Variants in TMEM163 observed in about 807,000 individuals in gnomAD.
TMEM163 encodes the protein transmembrane protein 163.
A neutral mutation model predicts 29.3 loss-of-function variants in TMEM163; 17 were observed. The ratio of observed to expected loss-of-function variants is 0.58; its 90% CI spans 0.40 to 0.87. The LOEUF is 0.87. TMEM163 is among the 40% of genes least tolerant of loss of function. The pLI, the probability that TMEM163 is intolerant of heterozygous loss-of-function variation, is 0.00. For missense variants in TMEM163, 303 were observed against 381.5 expected (o/e 0.79, Z 1.71); for synonymous variants, 157 against 160.6 (o/e 0.98, Z 0.17).
chr2:134,553,019 T>C (rs1680967956), intron 2 of TMEM163, among the ~76,000 whole-genome samples: 1 of 152,128 alleles, frequency 6.6e-6, no homozygotes, highest in Non-Finnish European at 1.5e-5. Flanking sequence ...CTAATTCTGT[T>C]TTGTGCTAAA....
intron 2 of TMEM163, among the ~76,000 whole-genome samples, chr2:134,650,405 G>C (rs990535123): frequency 2.0e-5 from 3 of 152,066 alleles, no homozygotes; most frequent in Admixed American, 1.3e-4. Context: ...AATCAAACTT[G>C]AAAGATTTAT....
At chr2:134,579,204 T>C (rs1558951916) in intron 2 of TMEM163, among the ~76,000 whole-genome samples, 2 of 152,204 alleles carry the variant, frequency 1.3e-5, no homozygotes, top group South Asian at 2.1e-4. Context: ...GGGGCAACTA[T>C]TCCCATTAGA....
At chr2:134,699,527 T>A (rs1684651840) in intron 2 of TMEM163, among the ~76,000 whole-genome samples, 1 of 152,016 alleles carries the variant, frequency 6.6e-6, no homozygotes, top group South Asian at 2.1e-4. Context: ...ATGTTGTAGA[T>A]ATGATGACAT....
intron 2 of TMEM163, among the ~76,000 whole-genome samples, chr2:134,705,386 C>T (rs995004434): frequency 1.3e-5 from 2 of 152,098 alleles, no homozygotes; most frequent in African/African-American, 4.8e-5. Flanking sequence ...CACAGACACA[C>T]ACAGAGGGAC....
chr2:134,457,028 T>C (rs956712006), intron 7 of TMEM163, among the ~76,000 whole-genome samples: 1 of 152,182 alleles, frequency 6.6e-6, no homozygotes, highest in Non-Finnish European at 1.5e-5. Flanking sequence ...GATTTGCCTA[T>C]TGATATTTTA....
At chr2:134,693,255 C>G (rs1684508064) in intron 2 of TMEM163, among the ~76,000 whole-genome samples, 1 of 152,202 alleles carries the variant, frequency 6.6e-6, no homozygotes, top group East Asian at 1.9e-4. Flanking sequence ...AAGAGTAAGA[C>G]ATTTAAAAAA....
At chr2:134,656,377 G>A (rs919159564) in intron 2 of TMEM163, among the ~76,000 whole-genome samples, 13 of 151,384 alleles carry the variant, frequency 8.6e-5, no homozygotes, top group African/African-American at 3.2e-4. Flanking sequence ...GCGCTTCCCA[G>A]GTGAGGCAAT....
chr2:134,609,489 C>A (rs1682441656), intron 2 of TMEM163, among the ~76,000 whole-genome samples: 2 of 76,434 alleles, frequency 2.6e-5, no homozygotes, highest in African/African-American at 5.6e-5. Flanking sequence ...AAGGACAGAC[C>A]CCGAGAACTG....
intron 2 of TMEM163, among the ~76,000 whole-genome samples, chr2:134,676,000 T>G (rs1684105750): frequency 6.6e-6 from 1 of 152,000 alleles, no homozygotes. Flanking sequence ...CCACCCCACA[T>G]CAAGACAGTT....
Position 134,486,347 on chromosome 2 carries a change from GA to G in TMEM163, c.555+16553del, listed in dbSNP as rs567180180. Among the ~76,000 whole-genome samples the G allele has an allele frequency of 2.2e-4, 34 of 152,234 alleles. 1 individual carries two copies. In the South Asian group the frequency reaches 6.6e-3, roughly 30 times the overall value. On this transcript the variant is annotated intron_variant, in intron 5 of 7. Transcript: ENST00000281924. The stretch of plus-strand genomic sequence containing the variant: ...TACTAACGATGAGAGCTTAGATCTA[GA>G]AAGCAAATCAACAGGTCTGATCCAC...
intron 6 of TMEM163, among the ~76,000 whole-genome samples, chr2:134,464,871 T>C (rs967998100): frequency 6.6e-6 from 1 of 151,964 alleles, no homozygotes; most frequent in East Asian, 1.9e-4. Context: ...CCCTGCCCAC[T>C]GTGCAAAGCT....
chr2:134,669,779 A>G (rs1683949881), intron 2 of TMEM163, among the ~76,000 whole-genome samples: 1 of 152,196 alleles, frequency 6.6e-6, no homozygotes, highest in Admixed American at 6.5e-5. Context: ...TAGAGCCCAG[A>G]GCCATCACTG....
chr2:134,674,478 G>T (rs1684062757), intron 2 of TMEM163, among the ~76,000 whole-genome samples: 1 of 148,266 alleles, frequency 6.7e-6, no homozygotes, highest in South Asian at 2.2e-4. Flanking sequence ...CAAGTAGCTG[G>T]GACTACAGGC....
At chr2:134,593,360 A>G (rs959427544) in intron 2 of TMEM163, among the ~76,000 whole-genome samples, 1 of 152,182 alleles carries the variant, frequency 6.6e-6, no homozygotes, top group Non-Finnish European at 1.5e-5. Flanking sequence ...CATGGACCCC[A>G]GACAAAACAC....
rs928549635 is a variant in TMEM163 at position 134,455,943 on chromosome 2, T to C, written c.*773A>G. 1 of 129,950 alleles carries C rather than the reference T, an allele frequency of 7.7e-6. No homozygotes were observed. The highest frequency in any genetic ancestry group is 2.8e-5 in the African/African-American group (1 of 35,132). 8.0% of individuals were successfully genotyped at this position (129,950 alleles called of 1,614,324 possible). On this transcript the variant is annotated 3_prime_UTR_variant, in exon 8 of 8. Transcript: ENST00000281924. Reference sequence around the variant, plus strand: ...GATCCATCTCTCACAGACTGTAATGTACCCATTACCACTTAACACAGCATA... The same window carrying C: ...GATCCATCTCTCACAGACTGTAATGCACCCATTACCACTTAACACAGCATA...
At chr2:134,710,640 T>TAA (rs34375062) in intron 2 of TMEM163, among the ~76,000 whole-genome samples, 6,198 of 143,720 alleles carry the variant, frequency 0.043, 444 homozygotes, top group African/African-American at 0.15. Context: ...TCCACCTAAC[T>TAA]AAAAAAAAAA....
At chr2:134,495,463 C>T (rs1679529929) in intron 5 of TMEM163, among the ~76,000 whole-genome samples, 1 of 152,202 alleles carries the variant, frequency 6.6e-6, no homozygotes, top group Non-Finnish European at 1.5e-5. Context: ...TAATAAATGG[C>T]TGAAGAACAT....
At chr2:134,566,339 G>A (rs1477578838) in intron 2 of TMEM163, among the ~76,000 whole-genome samples, 1 of 152,136 alleles carries the variant, frequency 6.6e-6, no homozygotes, top group African/African-American at 2.4e-5. Context: ...TGAGGTGGGT[G>A]GATCACAAGG....
intron 4 of TMEM163, among the ~76,000 whole-genome samples, chr2:134,545,002 G>A (rs1056403865): frequency 1.5e-4 from 23 of 152,182 alleles, no homozygotes; most frequent in African/African-American, 5.1e-4. Flanking sequence ...GAGGGGAGGC[G>A]ACCCTGCTGC....
Sources: gnomAD v4.1 joint callset for allele counts (sites outside exome capture counted in the v4.1 genomes callset) on GRCh38, gnomAD v4.1.1 for gene constraint, MANE v1.5 for transcripts, NCBI Gene and HGNC (gene_info 2026-07-23, HGNC 2026-07-21) for gene names.